ZNF14: variants seen among roughly 807,000 people sequenced by gnomAD.
The protein encoded by ZNF14 is zinc finger protein 14.
Under a neutral mutation model 11.3 loss-of-function variants are expected in ZNF14, and 9 were observed. The observed-to-expected ratio is 0.80, with a 90% CI of 0.48 to 1.39. The LOEUF (loss-of-function observed/expected upper bound fraction) is 1.39. Among genes scored for constraint, ZNF14 ranks in the 40% most tolerant of loss-of-function variants. The probability of loss-of-function intolerance (pLI) is 0.00; values close to 1 mark genes in which losing one functional copy is unlikely to be tolerated. For synonymous variants in ZNF14, 239 were observed against 245.7 expected (o/e 0.97, Z 0.25); for missense variants, 711 against 763.9 (o/e 0.93, Z 0.82).
At chr19:19,722,621 T>A (rs1157684004) in intron 1 of ZNF14, among the ~76,000 whole-genome samples, 1 of 152,222 alleles carries the variant, frequency 6.6e-6, no homozygotes. Context: ...AAGTCATTGG[T>A]AGCTTGATGG....
chr19:19,721,146 C>T (rs753081701), intron 1 of ZNF14, among the ~76,000 whole-genome samples: 13 of 152,152 alleles, frequency 8.5e-5, no homozygotes, highest in East Asian at 7.7e-4. Flanking sequence ...TTAGTAGAGA[C>T]GGGGTTTCAC....
intron 1 of ZNF14, among the ~76,000 whole-genome samples, chr19:19,723,464 T>G (rs2062398624): frequency 6.6e-6 from 1 of 152,224 alleles, no homozygotes; most frequent in Admixed American, 6.5e-5. Context: ...CTTTTTGATG[T>G]GCTGCTGGAT....
chr19:19,729,959 G>C (rs4621106), intron 1 of ZNF14, among the ~76,000 whole-genome samples: 77,736 of 151,992 alleles, frequency 0.51, 20,483 homozygotes, highest in Non-Finnish European at 0.58. Flanking sequence ...CATTCAGAAT[G>C]TGACATAATT....
chr19:19,716,841 GTTC>G (rs1192329326), intron 1 of ZNF14, among the ~76,000 whole-genome samples: 1 of 152,088 alleles, frequency 6.6e-6, no homozygotes, highest in African/African-American at 2.4e-5. Context: ...AGAACATAAT[GTTC>G]TTCTTAAGAA....
At position 19,711,861 on chromosome 19, in the gene ZNF14, G is replaced by A; in HGVS notation, c.1420C>T (p.Pro474Ser). 6.2e-7 allele frequency: 1 copy of A among 1,614,006 alleles called. No homozygotes were observed. The highest frequency in any genetic ancestry group is 1.1e-5 in the South Asian group (1 of 91,078). The change falls in exon 4 of 4, where the codon CCC (proline) becomes TCC (serine). Residue 474 changes from proline (P) to serine (S), a missense_variant. Physicochemically the swap from Pro to Ser is moderately conservative, Grantham distance 74. Coordinates refer to ENST00000344099, the MANE Select transcript of ZNF14 (RefSeq NM_021030.3). Reference sequence around the variant, plus strand: ...TTTCCACACTGTTTACATTCATAGGGTTTCTCTCCAGTGTGTGACCTTTCA... The same window carrying A: ...TTTCCACACTGTTTACATTCATAGGATTTCTCTCCAGTGTGTGACCTTTCA... ...IHERSHTGEK[P>S]YECKQCGKVF...
Position 19,723,778 on chromosome 19 carries a change from T to C in ZNF14, c.3+9178A>G, listed in dbSNP as rs564485785. On this transcript the variant is annotated intron_variant, in intron 1 of 3. Transcript: ENST00000344099. ...ATTTCAGAGCCTGTTATTGGTCTAT[T>C]CAGGGATTCAACTTCTTCCTGGTTT... Among the ~76,000 whole-genome samples the C allele has an allele frequency of 1.5e-5, 2 of 133,516 alleles. 1 individual carries two copies. The highest frequency in any genetic ancestry group is 3.3e-5 in the Non-Finnish European group (2 of 60,166). 87.6% of individuals were successfully genotyped at this position (133,516 alleles called of 152,430 possible).
In ZNF14 at chr19:19,732,975, A is replaced by T; in HGVS notation, c.-17T>A. On this transcript the variant is annotated 5_prime_UTR_variant, in exon 1 of 4. Transcript: ENST00000344099. ...ACTCACCATTTCCCAGCGTCCGGGAAGTCACGGTGTCCTCCCTACGGATCT... is the reference window on the plus strand; with the variant it reads ...ACTCACCATTTCCCAGCGTCCGGGATGTCACGGTGTCCTCCCTACGGATCT... 6.2e-7 allele frequency: 1 copy of T among 1,613,568 alleles called. No homozygotes were observed. The highest frequency in any genetic ancestry group is 8.5e-7 in the Non-Finnish European group (1 of 1,179,680).
At position 19,712,708 on chromosome 19, in the gene ZNF14, A is replaced by T; in HGVS notation, c.573T>A (p.His191Gln). 6.2e-7 allele frequency: 1 copy of T among 1,613,356 alleles called. No homozygotes were observed. The highest frequency in any genetic ancestry group is 8.5e-7 in the Non-Finnish European group (1 of 1,179,810). ...YQPFQRHERT[H>Q]AGQKPYECKQ... ...TACATTCATAGGGTTTCTGTCCAGC[A>T]TGAGTCCTTTCATGTCTTTGAAATG... is the stretch of plus-strand genomic sequence containing the variant. Residue 191 changes from histidine to glutamine, a missense_variant, in exon 4 of 4, where the codon CAT becomes CAA. His to Gln is a conservative substitution (Grantham distance 24). Transcript: ENST00000344099.
intron 1 of ZNF14, among the ~76,000 whole-genome samples, chr19:19,721,787 C>A (rs986100348): frequency 2.0e-5 from 3 of 151,914 alleles, no homozygotes; most frequent in Non-Finnish European, 4.4e-5. Flanking sequence ...CATGGTGAAA[C>A]CCTGTCTCTA....
intron 3 of ZNF14, among the ~76,000 whole-genome samples, chr19:19,713,748 C>CTTTTTTTTTTTTTTTTTTTT (rs71172526): frequency 5.0e-5 from 6 of 120,204 alleles, no homozygotes; most frequent in East Asian, 2.4e-4. Context: ...TGTGCCAGGC[C>CTTTTTTTTTTTTTTTTTTTT]TTTTTTTTTT....
intron 1 of ZNF14, among the ~76,000 whole-genome samples, chr19:19,724,473 AC>A (rs1244309000): frequency 1.5e-5 from 2 of 133,754 alleles, no homozygotes; most frequent in Admixed American, 1.5e-4. Flanking sequence ...CTGTTCTTTT[AC>A]ATTTGCTGAG....
intron 1 of ZNF14, among the ~76,000 whole-genome samples, chr19:19,715,894 G>C (rs527659965): frequency 1.3e-5 from 2 of 152,318 alleles, no homozygotes; most frequent in South Asian, 4.1e-4. Context: ...TTTCTTTGCA[G>C]AAGTATTAAT....
chr19:19,721,252 G>A (rs958308915), intron 1 of ZNF14, among the ~76,000 whole-genome samples: 7 of 152,022 alleles, frequency 4.6e-5, no homozygotes, highest in Non-Finnish European at 7.4e-5. Flanking sequence ...CACCACCCCC[G>A]GCCCTTCCTA....
In ZNF14 at chr19:19,720,844, G is replaced by T. The variant is rs549445101; in HGVS notation, c.4-6357C>A. The stretch of plus-strand genomic sequence containing the variant: ...GAAATTAACCAGGCTACTAAAAAGA[G>T]AATTGAAAACCCTAGACAAAGTGAG... On this transcript the variant is annotated intron_variant, in intron 1 of 3. Transcript: ENST00000344099. This position sits in a 1 kb window ranked among gnomAD's most constrained non-coding sequence, Gnocchi z 4.1. Among the ~76,000 whole-genome samples the T allele has an allele frequency of 1.1e-3, 173 of 152,286 alleles. 1 individual carries two copies. The highest frequency in any genetic ancestry group is 4.0e-3 in the African/African-American group (167 of 41,560).
rs189359675 is a variant in ZNF14 at position 19,712,860 on chromosome 19, A to T, written c.421T>A (p.Cys141Ser). The T allele has an allele frequency of 3.1e-6, 5 of 1,614,170 alleles. No individual in the cohort carries two copies. The African/African-American group carries it at 6.7e-5, about 22-fold the overall frequency. The change falls in exon 4 of 4, where the codon TGT becomes AGT. Residue 141 changes from cysteine (C) to serine (S), a missense_variant. Transcript: ENST00000344099. ...GTTTTCCCAACTGCTTTACATTTACATGGTTGCTTTTCATATTCCTGATAC... is the reference window on the plus strand; with the variant it reads ...GTTTTCCCAACTGCTTTACATTTACTTGGTTGCTTTTCATATTCCTGATAC... Reference protein sequence around the residue: ...NEYQEYEKQPCKCKAVGKTFS... With the variant: ...NEYQEYEKQPSKCKAVGKTFS...
At chr19:19,728,224 A>G (rs1198127790) in intron 1 of ZNF14, among the ~76,000 whole-genome samples, 1 of 132,838 alleles carries the variant, frequency 7.5e-6, no homozygotes, top group African/African-American at 2.8e-5. Flanking sequence ...CCACAGTCAA[A>G]CCATATACTG....
At chr19:19,719,395 A>G (rs1198141767) in intron 1 of ZNF14, among the ~76,000 whole-genome samples, 1 of 152,242 alleles carries the variant, frequency 6.6e-6, no homozygotes, top group Non-Finnish European at 1.5e-5. Context: ...ATATTTGGTA[A>G]GTCCAGCTTA....
intron 1 of ZNF14, among the ~76,000 whole-genome samples, chr19:19,716,638 G>C (rs73924840): frequency 6.6e-6 from 1 of 152,078 alleles, no homozygotes; most frequent in East Asian, 1.9e-4. Flanking sequence ...AAAAAATGAA[G>C]TCAGAGACTT....
rs1466722120 is a variant in ZNF14, at chr19:19,711,242, A to G, written c.*110T>C. The G allele has an allele frequency of 2.4e-6, 3 of 1,255,328 alleles. No homozygotes were observed. In the Admixed American group the frequency reaches 8.3e-5, roughly 35 times the overall value. The allele number at this position is 1,255,328 out of a possible 1,614,324, so 77.8% of individuals were successfully genotyped here. ...TGCTCAAAAGAAACTGGAACAATTA[A>G]GGGCTTTAGAACAATGTTTGTATTC... On this transcript the variant is annotated 3_prime_UTR_variant, in exon 4 of 4. Coordinates refer to ENST00000344099, the MANE Select transcript of ZNF14 (RefSeq NM_021030.3).
Sources: gnomAD v4.1 joint callset for allele counts (sites outside exome capture counted in the v4.1 genomes callset) on GRCh38, gnomAD v4.1.1 for gene constraint, Gnocchi (gnomAD v3.1) non-coding constraint, MANE v1.5 for transcripts, NCBI Gene and HGNC (gene_info 2026-07-23, HGNC 2026-07-21) for gene names.